PHRF1: variants seen among roughly 807,000 people sequenced by gnomAD.
PHRF1 encodes PHD and ring finger domains 1.
PHRF1 carries 53 observed loss-of-function variants against 128.9 expected under a neutral mutation model. The ratio of observed to expected loss-of-function variants is 0.41; its 90% confidence interval spans 0.33 to 0.52. PHRF1 has a LOEUF of 0.52. Ranked by LOEUF, PHRF1 falls within the 20% of genes least tolerant of loss-of-function variation. The probability of loss-of-function intolerance (pLI) is 0.21; values close to 1 mark genes in which losing one functional copy is unlikely to be tolerated. For synonymous variants in PHRF1, 1,178 were observed against 980.6 expected (o/e 1.20, Z -3.76); for missense variants, 2,503 against 2,284.5 (o/e 1.10, Z -1.95).
chr11:589,565 G>C (rs1854801058), intron 4 of PHRF1, among the ~76,000 whole-genome samples: 1 of 94,402 alleles, frequency 1.1e-5, no homozygotes, highest in East Asian at 1.1e-3. Context: ...GAAGAGGCCT[G>C]GACACACTCG....
At chr11:596,336 A>G (rs1009497727) in intron 6 of PHRF1, among the ~76,000 whole-genome samples, 3 of 152,216 alleles carry the variant, frequency 2.0e-5, no homozygotes, top group Non-Finnish European at 2.9e-5. Context: ...CAATTAAAAC[A>G]TAGTTTCCTT....
rs1054162962 is a variant in PHRF1, at chr11:597,155, T to C, written c.718+135T>C. ...TCATGGGGGTTAGGGTTGGCTGCGG[T>C]GTCGGGAGGACATCTAGGGCTGTCT... On this transcript the variant is annotated intron_variant, in intron 7 of 17. Transcript: ENST00000264555. This position sits in a 1 kb window ranked among gnomAD's most constrained non-coding sequence, Gnocchi z 6.5. 42 of 1,035,514 alleles carry C rather than the reference T, an allele frequency of 4.1e-5. No homozygotes were observed. The highest frequency in any genetic ancestry group is 1.1e-4 in the Admixed American group (5 of 43,762). The allele number at this position is 1,035,514 out of a possible 1,614,324, so 64.1% of individuals were successfully genotyped here. A position where few individuals can be genotyped will look rare whatever the true frequency, so the allele number is the denominator to read the frequency against.
Position 607,757 on chromosome 11 carries a change from G to T in PHRF1, c.2301G>T (p.Gly767=). 1 of 1,612,488 alleles carries T rather than the reference G, an allele frequency of 6.2e-7. No individual in the cohort carries two copies. Among genetic ancestry groups the T allele is most frequent in the Non-Finnish European group, 8.5e-7 (1 of 1,179,708 alleles). ...GSLAPLGPSR[G]KGVGSTFESF... is the part of the protein sequence containing the mutation. ...TGGCCCCACTGGGACCATCAAGAGG[G>T]AAAGGGGTCGGGTCGACCTTTGAGA... Residue 767 remains glycine (G), a synonymous_variant, in exon 14 of 18, where the codon GGG becomes GGT. Transcript: ENST00000264555.
chr11:601,768 G>C (rs1855642663), intron 10 of PHRF1, 67 bp downstream of exon 10: 1 of 1,598,476 alleles, frequency 6.3e-7, no homozygotes. Flanking sequence ...TTACGGAGCA[G>C]GGCCTAAGCC....
chr11:584,295 A>G (rs996420303), intron 3 of PHRF1, among the ~76,000 whole-genome samples: 1 of 152,220 alleles, frequency 6.6e-6, no homozygotes, highest in Non-Finnish European at 1.5e-5. Context: ...CAGGGCCGCC[A>G]GGTGACTCTG....
At chr11:593,695 G>T (rs539958475) in intron 6 of PHRF1, among the ~76,000 whole-genome samples, 2 of 152,290 alleles carry the variant, frequency 1.3e-5, no homozygotes, top group South Asian at 2.1e-4. Flanking sequence ...TCGTCAGTTC[G>T]CCCTCCTCCT....
At chr11:600,495 T>TAAATAAATAAATAAATACAC (rs749599842) in intron 9 of PHRF1, among the ~76,000 whole-genome samples, 1 of 38,980 alleles carries the variant, frequency 2.6e-5, no homozygotes, top group African/African-American at 5.2e-5. Flanking sequence ...TCTCCAAAAA[T>TAAATAAATAAATAAATACAC]ATATATATAT....
intron 6 of PHRF1, among the ~76,000 whole-genome samples, chr11:596,115 G>A (rs1333249439): frequency 6.6e-6 from 1 of 152,196 alleles, no homozygotes; most frequent in African/African-American, 2.4e-5. Flanking sequence ...GTTAAGTTCA[G>A]TTGAATTCAG....
At chr11:602,188 T>C (rs1301645053) in intron 10 of PHRF1, among the ~76,000 whole-genome samples, 1 of 152,216 alleles carries the variant, frequency 6.6e-6, no homozygotes, top group Non-Finnish European at 1.5e-5. Flanking sequence ...TCGTGGCGTT[T>C]GTTGTCCTAG....
Position 608,803 on chromosome 11 carries a change from C to T in PHRF1, c.3347C>T (p.Ser1116Phe). The T allele has an allele frequency of 1.2e-6, 2 of 1,611,946 alleles. No individual in the cohort carries two copies. The highest frequency in any genetic ancestry group is 1.7e-6 in the Non-Finnish European group (2 of 1,179,756). The change falls in exon 14 of 18, where the codon TCC becomes TTC. Residue 1116 changes from serine to phenylalanine, a missense_variant. Physicochemically the swap from Ser to Phe is radical, Grantham distance 155. Coordinates refer to ENST00000264555, the MANE Select transcript of PHRF1 (RefSeq NM_001286581.2). The stretch of plus-strand genomic sequence containing the variant: ...AAGAAGAAGAAAAGGAGATCAGCGT[C>T]CAGACCTCGGGGAAGGGAGTGCTCC... Reference protein sequence around the residue: ...SRKKKKRRSASRPRGRECSPT... With the variant: ...SRKKKKRRSAFRPRGRECSPT...
At chr11:587,137 C>T (rs574349667) in intron 3 of PHRF1, 122 bp from the exon 4 acceptor site, 33 of 859,960 alleles carry the variant, frequency 3.8e-5, no homozygotes, top group South Asian at 3.4e-4. Context: ...CAGGAGCCTG[C>T]GGGGAGGTGG....
At position 581,504 on chromosome 11, in the gene PHRF1, T is replaced by C. The variant is rs779684239; in HGVS notation, c.-9T>C. The C allele has an allele frequency of 1.2e-6, 2 of 1,613,324 alleles. No individual in the cohort carries two copies. Among genetic ancestry groups the C allele is most frequent in the South Asian group, 1.1e-5 (1 of 91,068 alleles). On this transcript the variant is annotated 5_prime_UTR_variant, in exon 2 of 18. An upstream start codon of the reference 5' UTR is lost. Coordinates refer to ENST00000264555, the MANE Select transcript of PHRF1 (RefSeq NM_001286581.2). ...TTCTTTCTTTCAGAGCTGAGCTCAA[T>C]GTGCAGCAATGGATGACGACAGCCT...
intron 6 of PHRF1, among the ~76,000 whole-genome samples, chr11:593,848 C>T (rs1855127614): frequency 1.3e-5 from 2 of 152,206 alleles, no homozygotes; most frequent in Non-Finnish European, 2.9e-5. Context: ...CCTCGCCGTC[C>T]CTCCTTTCTC....
chr11:609,834 G>GCC, intron 14 of PHRF1, 114 bp downstream of exon 14: 1 of 718,302 alleles, frequency 1.4e-6, no homozygotes, highest in Admixed American at 3.1e-5. Context: ...CGAGGACAGA[G>GCC]CCCCCCGTGA....
intron 2 of PHRF1, 91 bp downstream of exon 2, chr11:581,697 C>A: frequency 8.0e-7 from 1 of 1,248,350 alleles, no homozygotes; most frequent in Non-Finnish European, 1.1e-6. Flanking sequence ...TGTCACTTGT[C>A]AACTTTCAGT....
rs1253866109 is a variant in PHRF1 at position 597,169 on chromosome 11, C to T, written c.718+149C>T. ...GTTGGCTGCGGTGTCGGGAGGACATCTAGGGCTGTCTCGGGCTCGTCTTCT... is the reference window on the plus strand; with the variant it reads ...GTTGGCTGCGGTGTCGGGAGGACATTTAGGGCTGTCTCGGGCTCGTCTTCT... On this transcript the variant is annotated intron_variant, in intron 7 of 17. Coordinates refer to ENST00000264555, the MANE Select transcript of PHRF1 (RefSeq NM_001286581.2). This position sits in a 1 kb window ranked among gnomAD's most constrained non-coding sequence, Gnocchi z 6.5. The T allele has an allele frequency of 1.0e-6, 1 of 975,470 alleles. No individual in the cohort carries two copies. Among genetic ancestry groups the T allele is most frequent in the East Asian group, 2.6e-5 (1 of 38,066 alleles). The allele number at this position is 975,470 out of a possible 1,614,324, so 60.4% of individuals were successfully genotyped here. A position where few individuals can be genotyped will look rare whatever the true frequency, so the allele number is the denominator to read the frequency against.
chr11:592,642 C>T lies in PHRF1; in HGVS notation c.588C>T (p.Asp196=). The T allele has an allele frequency of 6.2e-7, 1 of 1,614,064 alleles. No individual in the cohort carries two copies. Among genetic ancestry groups the T allele is most frequent in the Non-Finnish European group, 8.5e-7 (1 of 1,179,906 alleles). ...TGTGCGGCAGGAGCGACCGTGAGGACAGGCTTTTGCTCTGCGACGGCTGCG... is the reference window on the plus strand; with the variant it reads ...TGTGCGGCAGGAGCGACCGTGAGGATAGGCTTTTGCTCTGCGACGGCTGCG... ...CEVCGRSDRE[D]RLLLCDGCDA... The change falls in exon 6 of 18, where the codon GAC becomes GAT. Residue 196 remains aspartate, a synonymous_variant. Coordinates refer to ENST00000264555, the MANE Select transcript of PHRF1 (RefSeq NM_001286581.2).
At chr11:587,658 G>T (rs1050814233) in intron 4 of PHRF1, among the ~76,000 whole-genome samples, 194 bp downstream of exon 4, 9 of 152,004 alleles carry the variant, frequency 5.9e-5, no homozygotes, top group African/African-American at 2.2e-4. Context: ...GTGAGCTCAT[G>T]TGAGGCGTTT....
chr11:587,130 G>A, intron 3 of PHRF1, 129 bp from the exon 4 acceptor site: 1 of 812,666 alleles, frequency 1.2e-6, no homozygotes, highest in Non-Finnish European at 2.0e-6. Context: ...TAAGTGGCAG[G>A]AGCCTGCGGG....
Sources: allele counts gnomAD v4.1 joint callset (sites outside exome capture counted in the v4.1 genomes callset), GRCh38; gene constraint gnomAD v4.1.1; non-coding constraint Gnocchi (gnomAD v3.1); transcripts MANE v1.5; gene names NCBI Gene and HGNC (gene_info 2026-07-23, HGNC 2026-07-21).